Variants in SRGAP1 observed in about 807,000 individuals in gnomAD.
The protein encoded by SRGAP1 is SLIT-ROBO Rho GTPase-activating protein 1.
In SRGAP1, 43 loss-of-function variants were observed where a neutral mutation model predicts 121.9. That is an observed-to-expected ratio of 0.35 (90% CI 0.28 to 0.46). The LOEUF is 0.46. Among genes scored for constraint, SRGAP1 ranks in the 20% least tolerant of loss-of-function variants. SRGAP1 has a pLI of 1.00. For missense variants in SRGAP1, 1,102 were observed against 1,350.9 expected (o/e 0.82, Z 2.89); for synonymous variants, 447 against 485.4 (o/e 0.92, Z 1.04).
At chr12:63,982,959 G>T (rs989715662) in intron 1 of SRGAP1, 10 of 152,180 alleles carry the variant, frequency 6.6e-5, no homozygotes, top group African/African-American at 2.2e-4. Context: ...ATTCTTTGAG[G>T]ATTAAATGTG....
chr12:64,125,665 A>T (rs2036675464), intron 18 of SRGAP1, among the ~76,000 whole-genome samples: 1 of 152,192 alleles, frequency 6.6e-6, no homozygotes, highest in African/African-American at 2.4e-5. Context: ...GAGAGATTTT[A>T]TATATCCTAT....
rs2037198119 is a variant in SRGAP1 at position 64,160,002 on chromosome 12, C to T, written c.*17330C>T. The T allele has an allele frequency of 6.6e-6, 1 of 152,194 alleles. No homozygotes were observed. The allele number at this position is 152,194 out of a possible 1,614,324, so 9.4% of individuals were successfully genotyped here. A position where few individuals can be genotyped will look rare whatever the true frequency, so the allele number is the denominator to read the frequency against. ...TTTCATTTGCTTAGCTTTCTATTTA[C>T]ATAAATAGGTAAAAATTCCTTCTCA... On this transcript the variant is annotated 3_prime_UTR_variant, in exon 22 of 22. Coordinates refer to ENST00000355086, the MANE Select transcript of SRGAP1 (RefSeq NM_020762.4).
At chr12:64,103,292 A>G (rs554160278) in intron 15 of SRGAP1, among the ~76,000 whole-genome samples, 19 of 152,208 alleles carry the variant, frequency 1.2e-4, no homozygotes, top group Non-Finnish European at 2.8e-4. Context: ...AGCTGTTGTA[A>G]AAAATTATGC....
At chr12:64,106,538 C>G (rs1315980179) in intron 15 of SRGAP1, among the ~76,000 whole-genome samples, 4 of 152,286 alleles carry the variant, frequency 2.6e-5, no homozygotes, top group South Asian at 2.1e-4. Context: ...TTCATCTTCC[C>G]TCTCTGTACA....
At position 64,146,307 on chromosome 12, in the gene SRGAP1, A is replaced by T. The variant is rs1184231802; in HGVS notation, c.*3635A>T. 6.6e-6 allele frequency: 1 copy of T among 152,058 alleles called. No individual in the cohort carries two copies. Among genetic ancestry groups the T allele is most frequent in the Non-Finnish European group, 1.5e-5 (1 of 67,946 alleles). 9.4% of individuals were successfully genotyped at this position (152,058 alleles called of 1,614,324 possible). On this transcript the variant is annotated 3_prime_UTR_variant, in exon 22 of 22. Transcript: ENST00000355086. ...ACTGCAATGATCGTGAACAGTTATC[A>T]GTGGATATAGTGCTCCAAGAGTCAA... is the stretch of plus-strand genomic sequence containing the variant.
At chr12:63,942,310 A>T (rs150830500) in intron 1 of SRGAP1, among the ~76,000 whole-genome samples, 1 of 152,344 alleles carries the variant, frequency 6.6e-6, no homozygotes, top group East Asian at 1.9e-4. Flanking sequence ...TTATAGCTAG[A>T]TTTTCTATGT....
chr12:64,022,441 G>A (rs769911557), intron 4 of SRGAP1, among the ~76,000 whole-genome samples: 20 of 152,304 alleles, frequency 1.3e-4, no homozygotes, highest in South Asian at 6.2e-4. Context: ...CAGGTCATCA[G>A]TAGGTTGGAT....
rs1198635672 is a variant in SRGAP1, at chr12:64,111,811, A to G, written c.1969A>G (p.Ile657Val). Reference protein sequence around the residue: ...ENMMDPYNLAICFGPTLMPVP... With the variant: ...ENMMDPYNLAVCFGPTLMPVP... Reference sequence around the variant, plus strand: ...TATGATGGACCCTTATAACCTGGCCATTTGCTTTGGCCCAACATTGATGCC... The same window carrying G: ...TATGATGGACCCTTATAACCTGGCCGTTTGCTTTGGCCCAACATTGATGCC... The change falls in exon 17 of 22, where the codon ATT becomes GTT. Residue 657 changes from isoleucine (I) to valine (V), a missense_variant. Ile to Val is a conservative substitution (Grantham distance 29). Around this residue, in one of 3 missense-constraint regions of SRGAP1, gnomAD observed 747 missense variants for 929.4 expected, o/e 0.80. Transcript: ENST00000355086. The G allele has an allele frequency of 6.2e-7, 1 of 1,613,916 alleles. No individual in the cohort carries two copies. Among genetic ancestry groups the G allele is most frequent in the African/African-American group, 1.3e-5 (1 of 74,882 alleles).
At chr12:63,912,833 T>C (rs1006904587) in intron 1 of SRGAP1, among the ~76,000 whole-genome samples, 1 of 152,200 alleles carries the variant, frequency 6.6e-6, no homozygotes, top group African/African-American at 2.4e-5. Flanking sequence ...CGAGGGTTCA[T>C]GGCCTGCAAC....
intron 18 of SRGAP1, among the ~76,000 whole-genome samples, chr12:64,125,229 A>G (rs373247155): frequency 3.3e-4 from 50 of 152,292 alleles, no homozygotes; most frequent in African/African-American, 1.2e-3. Flanking sequence ...ATCTTTTGAG[A>G]TTGGCTTTTT....
intron 18 of SRGAP1, among the ~76,000 whole-genome samples, chr12:64,119,766 G>GT (rs2036575351): frequency 2.7e-5 from 3 of 110,786 alleles, no homozygotes; most frequent in African/African-American, 6.8e-5. Flanking sequence ...AATATTATTT[G>GT]TTTCTTTTTT....
chr12:63,874,200 A>C (rs1034767579), intron 1 of SRGAP1, among the ~76,000 whole-genome samples: 2 of 152,106 alleles, frequency 1.3e-5, no homozygotes, highest in African/African-American at 4.8e-5. Flanking sequence ...GAACCATTAG[A>C]AAGTATGACT....
At chr12:63,958,904 G>A (rs1322312687) in intron 1 of SRGAP1, among the ~76,000 whole-genome samples, 1 of 152,136 alleles carries the variant, frequency 6.6e-6, no homozygotes, top group East Asian at 1.9e-4. Context: ...TCCCATTTAT[G>A]TAAAGCATTT....
At chr12:64,073,634 CA>C (rs1435628059) in intron 8 of SRGAP1, among the ~76,000 whole-genome samples, 2 of 152,156 alleles carry the variant, frequency 1.3e-5, no homozygotes, top group Admixed American at 6.5e-5. Flanking sequence ...ATATCTAAAA[CA>C]ATGTAAATGC....
intron 1 of SRGAP1, among the ~76,000 whole-genome samples, chr12:63,885,377 C>T (rs973443717): frequency 5.3e-5 from 8 of 152,124 alleles, no homozygotes; most frequent in Non-Finnish European, 7.3e-5. Context: ...GAGTAAGGCA[C>T]GCAGAGCTTC....
At chr12:64,074,716 A>G (rs2035703044) in intron 8 of SRGAP1, among the ~76,000 whole-genome samples, 1 of 152,200 alleles carries the variant, frequency 6.6e-6, no homozygotes, top group Admixed American at 6.5e-5. Context: ...TAATTGAATA[A>G]AGAAATAACA....
rs144940079 is a variant in SRGAP1 at position 63,996,484 on chromosome 12, G to A, written c.426+6412G>A. Among the ~76,000 whole-genome samples the A allele has an allele frequency of 2.8e-3, 423 of 151,926 alleles. 2 individuals carry two copies. The highest frequency in any genetic ancestry group is 9.9e-3 in the African/African-American group (410 of 41,464). ...AGTAGAATTATCAAGTCAGAGGGTGGCCTTTGAATTTTGTTAGAATTTCAT... is the reference window on the plus strand; with the variant it reads ...AGTAGAATTATCAAGTCAGAGGGTGACCTTTGAATTTTGTTAGAATTTCAT... On this transcript the variant is annotated intron_variant, in intron 3 of 21. Coordinates refer to ENST00000355086, the MANE Select transcript of SRGAP1 (RefSeq NM_020762.4).
chr12:64,090,890 G>A (rs1251304931), intron 11 of SRGAP1, among the ~76,000 whole-genome samples: 1 of 152,030 alleles, frequency 6.6e-6, no homozygotes, highest in Non-Finnish European at 1.5e-5. Context: ...TTCCTCATTT[G>A]GGGATCTACC....
At chr12:64,140,648 A>C (rs2036941346) in intron 21 of SRGAP1, among the ~76,000 whole-genome samples, 1 of 146,000 alleles carries the variant, frequency 6.8e-6, no homozygotes, top group African/African-American at 2.5e-5. Context: ...ATGTGGAGAA[A>C]TAGGAACACT....
Sources: allele counts gnomAD v4.1 joint callset (sites outside exome capture counted in the v4.1 genomes callset), GRCh38; gene constraint gnomAD v4.1.1; regional missense constraint gnomAD v4.1.1; transcripts MANE v1.5; gene names NCBI Gene and HGNC (gene_info 2026-07-23, HGNC 2026-07-21).